Variants in MIB1 observed in about 807,000 individuals in gnomAD.
MIB1 encodes MIB E3 ubiquitin protein ligase 1.
Under a neutral mutation model 124.5 loss-of-function variants are expected in MIB1, and 278 were observed. The observed-to-expected ratio is 2.23, with a 90% CI of 2.02 to 2.47. The LOEUF (loss-of-function observed/expected upper bound fraction) is 2.47. Ranked by LOEUF, MIB1 falls within the 30% of genes most tolerant of loss-of-function variation. The pLI, the probability that MIB1 is intolerant of heterozygous loss-of-function variation, is 0.00. For missense variants in MIB1, 957 were observed against 1,254.4 expected (o/e 0.76, Z 3.58); for synonymous variants, 446 against 429.4 (o/e 1.04, Z -0.48).
At chr18:21,742,011 C>T (rs534654265) in intron 1 of MIB1, among the ~76,000 whole-genome samples, 199 bp downstream of exon 1, 1 of 152,322 alleles carries the variant, frequency 6.6e-6, no homozygotes, top group East Asian at 1.9e-4. Context: ...AGACCCTCTA[C>T]CCCCAAGGGA....
intron 1 of MIB1, among the ~76,000 whole-genome samples, chr18:21,763,014 G>C (rs371071082): frequency 1.3e-5 from 2 of 151,060 alleles, no homozygotes; most frequent in East Asian, 3.9e-4. Flanking sequence ...TTCTTTATAT[G>C]TATATTTTGC....
In MIB1 at chr18:21,779,580, A is replaced by T. The variant is rs1182653008; in HGVS notation, c.803A>T (p.His268Leu). 6.2e-7 allele frequency: 1 copy of T among 1,614,088 alleles called. No homozygotes were observed. ...ATTGTACAGTCTTTGCAGCATGGTC[A>T]TGGAGGATGGACTGATGGAATGTTT... ...LEIVQSLQHG[H>L]GGWTDGMFET... The change falls in exon 6 of 21, where the codon CAT (histidine) becomes CTT (leucine). Residue 268 changes from histidine to leucine, a missense_variant. Coordinates refer to ENST00000261537, the MANE Select transcript of MIB1 (RefSeq NM_020774.4).
intron 12 of MIB1, chr18:21,830,645 T>G (rs1350657913): frequency 6.6e-6 from 1 of 152,074 alleles, no homozygotes; most frequent in Non-Finnish European, 1.5e-5. Context: ...CATGCAGCAT[T>G]TGCAGCAGGA....
chr18:21,768,693 G>C lies in MIB1; in HGVS notation c.472G>C (p.Val158Leu). The C allele has an allele frequency of 6.2e-7, 1 of 1,610,212 alleles. No homozygotes were observed. Among genetic ancestry groups the C allele is most frequent in the Non-Finnish European group, 8.5e-7 (1 of 1,178,190 alleles). The change falls in exon 3 of 21, where the codon GTG (valine) becomes CTG (leucine). Residue 158 changes from valine (V) to leucine (L), a missense_variant. Coordinates refer to ENST00000261537, the MANE Select transcript of MIB1 (RefSeq NM_020774.4). Reference protein sequence around the residue: ...ARGIFAGARVVRGVDWQWEDQ... With the variant: ...ARGIFAGARVLRGVDWQWEDQ... ...AGGAATCTTTGCAGGTGCCAGAGTG[G>C]TGCGAGGAGTGGACTGGCAGTGGGA...
chr18:21,745,081 A>G (rs2040897016), intron 1 of MIB1, among the ~76,000 whole-genome samples: 2 of 152,254 alleles, frequency 1.3e-5, no homozygotes, highest in African/African-American at 4.8e-5. Flanking sequence ...TTAAAAAAGA[A>G]TGTTCACAGC....
intron 1 of MIB1, among the ~76,000 whole-genome samples, chr18:21,715,703 T>C (rs965431562): frequency 6.6e-6 from 1 of 151,926 alleles, no homozygotes; most frequent in Non-Finnish European, 1.5e-5. Flanking sequence ...GATGCACTTA[T>C]AGAATGCAAA....
At chr18:21,857,005 A>G (rs375366008) in intron 18 of MIB1, 125 bp from the exon 19 acceptor site, 1 of 665,838 alleles carries the variant, frequency 1.5e-6, no homozygotes, top group Admixed American at 2.3e-5. Context: ...GTAGAATTGC[A>G]TATTGCTATA....
At chr18:21,838,646 A>G in intron 13 of MIB1, 149 bp downstream of exon 13, 1 of 600,336 alleles carries the variant, frequency 1.7e-6, no homozygotes, top group Non-Finnish European at 2.8e-6. Context: ...TATAATGCAT[A>G]TTCTGTCTTC....
intron 17 of MIB1, among the ~76,000 whole-genome samples, chr18:21,852,156 A>T (rs563222589): frequency 6.2e-4 from 94 of 152,298 alleles, no homozygotes; most frequent in Non-Finnish European, 1.1e-3. Flanking sequence ...ATGTTAGGTA[A>T]TTTGTTGGTG....
intron 19 of MIB1, among the ~76,000 whole-genome samples, chr18:21,858,074 G>T (rs2042243911): frequency 6.6e-6 from 1 of 152,186 alleles, no homozygotes. Flanking sequence ...CAGTAATAAC[G>T]AGGAAGTTTA....
chr18:21,810,440 C>G (rs2041759058), intron 10 of MIB1, among the ~76,000 whole-genome samples: 1 of 151,966 alleles, frequency 6.6e-6, no homozygotes, highest in Non-Finnish European at 1.5e-5. Flanking sequence ...CCAAAGCAAT[C>G]TTGAGAAAGA....
intron 1 of MIB1, among the ~76,000 whole-genome samples, chr18:21,717,208 C>A (rs2146355851): frequency 6.6e-6 from 1 of 152,194 alleles, no homozygotes; most frequent in South Asian, 2.1e-4. Flanking sequence ...GAGAATGAAA[C>A]TGGACCCTCA....
At chr18:21,805,900 C>CTTTTTTT (rs35904303) in intron 10 of MIB1, among the ~76,000 whole-genome samples, 12 of 105,128 alleles carry the variant, frequency 1.1e-4, no homozygotes, top group South Asian at 3.3e-4. Flanking sequence ...TCTTTCTTTC[C>CTTTTTTT]TTTTTTTTTT....
chr18:21,829,271 T>C (rs2041956949), intron 12 of MIB1: 2 of 325,082 alleles, frequency 6.2e-6, no homozygotes, highest in Non-Finnish European at 1.2e-5. Context: ...TTGGTGGACA[T>C]AGACATTCCT....
intron 10 of MIB1, among the ~76,000 whole-genome samples, chr18:21,811,706 T>G (rs2041775543): frequency 1.3e-5 from 2 of 150,582 alleles, no homozygotes; most frequent in African/African-American, 4.9e-5. Context: ...GATGGGGGGG[T>G]AGGAGGAATA....
chr18:21,803,424 C>T (rs2041670765), intron 9 of MIB1, among the ~76,000 whole-genome samples: 1 of 152,150 alleles, frequency 6.6e-6, no homozygotes, highest in South Asian at 2.1e-4. Context: ...AACTACCTTG[C>T]TAACTTATTT....
At chr18:21,864,337 C>T (rs2042303239) in intron 20 of MIB1, among the ~76,000 whole-genome samples, 189 bp from the exon 21 acceptor site, 1 of 152,140 alleles carries the variant, frequency 6.6e-6, no homozygotes, top group Non-Finnish European at 1.5e-5. Context: ...CCTGATAGTA[C>T]AACCAGTGTT....
intron 1 of MIB1, among the ~76,000 whole-genome samples, chr18:21,724,758 A>ATG (rs2040733405): frequency 1.9e-5 from 2 of 105,726 alleles, no homozygotes; most frequent in East Asian, 5.9e-4. Context: ...ATATATATAT[A>ATG]TATATATATA....
At position 21,815,632 on chromosome 18, in the gene MIB1, G is replaced by A; in HGVS notation, c.1496G>A (p.Arg499Lys). Residue 499 changes from arginine (R) to lysine (K), a missense_variant, in exon 11 of 21, where the codon AGA becomes AAA. Coordinates refer to ENST00000261537, the MANE Select transcript of MIB1 (RefSeq NM_020774.4). ...AATGATTAGGATAAAGATGGTGATA[G>A]AGCAGTTCACCATGCAGCTTTTGGA... is the stretch of plus-strand genomic sequence containing the variant. ...DVEAEDKDGDRAVHHAAFGDE... is the reference protein window; with the variant it reads ...DVEAEDKDGDKAVHHAAFGDE... 6.2e-7 allele frequency: 1 copy of A among 1,613,458 alleles called. No homozygotes were observed. Among genetic ancestry groups the A allele is most frequent in the East Asian group, 2.2e-5 (1 of 44,872 alleles).
Sources: allele counts gnomAD v4.1 joint callset (sites outside exome capture counted in the v4.1 genomes callset), GRCh38; gene constraint gnomAD v4.1.1; transcripts MANE v1.5; gene names NCBI Gene and HGNC (gene_info 2026-07-23, HGNC 2026-07-21).